TAFA2: variants seen among roughly 807,000 people sequenced by gnomAD.
TAFA2 encodes TAFA chemokine like family member 2, also known as chemokine-like protein TAFA-2.
Under a neutral mutation model 18.8 loss-of-function variants are expected in TAFA2, and 7 were observed. The ratio of observed to expected loss-of-function variants is 0.37; its 90% CI spans 0.21 to 0.70. TAFA2 has a LOEUF of 0.70. Ranked by LOEUF, TAFA2 falls within the 30% of genes least tolerant of loss-of-function variation. The pLI, the probability that TAFA2 is intolerant of heterozygous loss-of-function variation, is 0.53. For synonymous variants in TAFA2, 60 were observed against 54.2 expected (o/e 1.11, Z -0.47); for missense variants, 122 against 158.1 (o/e 0.77, Z 1.23).
chr12:61,721,157 A>T (rs560815507), intron 4 of TAFA2, among the ~76,000 whole-genome samples: 1 of 152,302 alleles, frequency 6.6e-6, no homozygotes, highest in South Asian at 2.1e-4. Flanking sequence ...ATGGGACTAA[A>T]ATAAACAGTT....
At chr12:62,238,210 G>A (rs1212105487) in intron 1 of TAFA2, among the ~76,000 whole-genome samples, 1 of 152,176 alleles carries the variant, frequency 6.6e-6, no homozygotes, top group East Asian at 1.9e-4. Context: ...GGCTTGATGG[G>A]TAGAAAAGTC....
intron 1 of TAFA2, among the ~76,000 whole-genome samples, chr12:61,995,035 A>G (rs868771877): frequency 1.7e-4 from 26 of 152,132 alleles, no homozygotes; most frequent in Admixed American, 9.8e-4. Context: ...ACTCAACAAG[A>G]GTGTTCCTAT....
chr12:62,141,874 A>G (rs1237645365), intron 1 of TAFA2, among the ~76,000 whole-genome samples: 1 of 152,210 alleles, frequency 6.6e-6, no homozygotes, highest in Non-Finnish European at 1.5e-5. Context: ...AGCCACACTC[A>G]TCACTGATCT....
At chr12:62,154,133 G>T (rs2062352134) in intron 1 of TAFA2, among the ~76,000 whole-genome samples, 1 of 152,054 alleles carries the variant, frequency 6.6e-6, no homozygotes, top group Non-Finnish European at 1.5e-5. Flanking sequence ...AAATGTGATG[G>T]TTATTTGTTT....
intron 4 of TAFA2, among the ~76,000 whole-genome samples, chr12:61,725,292 G>A (rs1213525884): frequency 1.3e-5 from 2 of 151,876 alleles, no homozygotes; most frequent in Non-Finnish European, 2.9e-5. Flanking sequence ...TTTCAATTAA[G>A]TCCCATCAAT....
intron 2 of TAFA2, among the ~76,000 whole-genome samples, chr12:61,763,720 G>C (rs926404205): frequency 6.6e-6 from 1 of 151,766 alleles, no homozygotes; most frequent in South Asian, 2.1e-4. Context: ...AGAAAGCTTC[G>C]CGCATGCCTC....
At chr12:61,806,710 C>T (rs889571761) in intron 2 of TAFA2, among the ~76,000 whole-genome samples, 2 of 152,166 alleles carry the variant, frequency 1.3e-5, no homozygotes, top group Non-Finnish European at 2.9e-5. Flanking sequence ...AAAGTCCAGG[C>T]TGAGGTGGTC....
intron 1 of TAFA2, among the ~76,000 whole-genome samples, chr12:62,076,340 G>T (rs1868248662): frequency 6.6e-6 from 1 of 152,164 alleles, no homozygotes; most frequent in Non-Finnish European, 1.5e-5. Context: ...GAGTAACTCA[G>T]TGAGATTTAA....
intron 1 of TAFA2, among the ~76,000 whole-genome samples, chr12:62,144,008 A>G (rs2136910596): frequency 7.1e-6 from 1 of 141,810 alleles, no homozygotes; most frequent in South Asian, 2.3e-4. Flanking sequence ...AGATCATGCC[A>G]CTGCACTCCA....
chr12:62,100,532 T>A (rs993382918), intron 1 of TAFA2, among the ~76,000 whole-genome samples: 1 of 152,228 alleles, frequency 6.6e-6, no homozygotes, highest in African/African-American at 2.4e-5. Context: ...GACTAGATCA[T>A]ATTTGCAATC....
chr12:61,828,319 C>T (rs919466575), intron 2 of TAFA2, among the ~76,000 whole-genome samples: 8 of 151,812 alleles, frequency 5.3e-5, no homozygotes, highest in African/African-American at 1.9e-4. Flanking sequence ...CATTTTGTTA[C>T]TTGCTGTTTT....
At chr12:61,836,878 C>A (rs938984203) in intron 2 of TAFA2, among the ~76,000 whole-genome samples, 1 of 150,868 alleles carries the variant, frequency 6.6e-6, no homozygotes, top group Admixed American at 6.6e-5. Flanking sequence ...GAATTCCCTG[C>A]TGACCTTTAT....
chr12:62,143,769 G>T (rs928966497), intron 1 of TAFA2, among the ~76,000 whole-genome samples: 1 of 152,050 alleles, frequency 6.6e-6, no homozygotes, highest in African/African-American at 2.4e-5. Context: ...TCGGCAGGGT[G>T]TGGTGGCTTA....
At chr12:61,918,469 T>C (rs979709121) in intron 1 of TAFA2, among the ~76,000 whole-genome samples, 13 of 152,152 alleles carry the variant, frequency 8.5e-5, no homozygotes, top group African/African-American at 2.7e-4. Context: ...TCCATCTACA[T>C]TGTTGCAAAT....
intron 1 of TAFA2, among the ~76,000 whole-genome samples, chr12:61,930,666 G>A (rs1288766841): frequency 6.6e-6 from 1 of 152,112 alleles, no homozygotes. Flanking sequence ...ATTACTTTAG[G>A]ACATTAGACT....
intron 1 of TAFA2, among the ~76,000 whole-genome samples, chr12:62,220,647 T>C (rs1306530238): frequency 2.0e-5 from 3 of 152,216 alleles, no homozygotes; most frequent in East Asian, 1.9e-4. Flanking sequence ...TGTACCACTC[T>C]GGTGGGAGAT....
intron 1 of TAFA2, among the ~76,000 whole-genome samples, chr12:62,159,337 C>T (rs80049475): frequency 0.056 from 8,477 of 152,212 alleles, 330 homozygotes; most frequent in South Asian, 0.1. Flanking sequence ...AATATTTGTG[C>T]TATCATTACC....
intron 1 of TAFA2, among the ~76,000 whole-genome samples, chr12:61,869,848 A>G (rs916156011): frequency 3.9e-5 from 6 of 152,134 alleles, no homozygotes; most frequent in African/African-American, 1.4e-4. Flanking sequence ...TCCCCTCTGC[A>G]TCTAATCCCT....
intron 2 of TAFA2, among the ~76,000 whole-genome samples, chr12:61,866,416 G>C (rs1327505478): frequency 6.6e-6 from 1 of 152,212 alleles, no homozygotes; most frequent in South Asian, 2.1e-4. Context: ...CCCAAAAATA[G>C]AATGAGAAAC....
Sources: allele counts gnomAD v4.1 joint callset (sites outside exome capture counted in the v4.1 genomes callset), GRCh38; gene constraint gnomAD v4.1.1; transcripts MANE v1.5; gene names NCBI Gene and HGNC (gene_info 2026-07-23, HGNC 2026-07-21).